Variants in TACR3 observed in about 807,000 individuals in gnomAD.
TACR3 encodes neuromedin-K receptor.
In TACR3, 34 loss-of-function variants were observed where a neutral mutation model predicts 35.0. That is an observed-to-expected ratio of 0.97 (90% CI 0.74 to 1.30). The LOEUF (loss-of-function observed/expected upper bound fraction) is 1.30. Among genes scored for constraint, TACR3 ranks in the 50% most tolerant of loss-of-function variants. The pLI is 0.00. For synonymous variants in TACR3, 233 were observed against 221.1 expected, an observed-to-expected ratio of 1.05 and a Z score of -0.48; for missense variants, 558 against 591.7, an observed-to-expected ratio of 0.94 and a Z score of 0.59.
At chr4:103,686,697 G>C (rs1250148260) in intron 1 of TACR3, among the ~76,000 whole-genome samples, 2 of 152,062 alleles carry the variant, frequency 1.3e-5, no homozygotes, top group Non-Finnish European at 2.9e-5. Context: ...ATTTTTGAGA[G>C]GTCCTAGAAG....
At chr4:103,706,098 A>C (rs1265777221) in intron 1 of TACR3, among the ~76,000 whole-genome samples, 2 of 152,138 alleles carry the variant, frequency 1.3e-5, no homozygotes, top group Non-Finnish European at 2.9e-5. Context: ...AAAGGCAGAA[A>C]AAATGTAATA....
At chr4:103,691,831 C>G (rs1159131714) in intron 1 of TACR3, among the ~76,000 whole-genome samples, 12 of 152,224 alleles carry the variant, frequency 7.9e-5, no homozygotes, top group Non-Finnish European at 4.4e-5. Context: ...CTAGCCCAAC[C>G]TATTCCTTTA....
chr4:103,678,793 C>CT lies in TACR3; in HGVS notation c.549-20391dup, dbSNP rs199845821. On this transcript the variant is annotated intron_variant, in intron 1 of 4. Coordinates refer to ENST00000304883, the MANE Select transcript of TACR3 (RefSeq NM_001059.3). ...ACACTTAGAAAATAAAAGGTAGTTG[C>CT]TTTTTTTTTTTTTAACAGCTGCTTC... 2.7e-3 allele frequency among the ~76,000 whole-genome samples: 386 copies of CT among 142,604 alleles called. 2 individuals carry two copies. The highest frequency in any genetic ancestry group is 0.024 in the South Asian group (108 of 4,562). 93.6% of individuals were successfully genotyped at this position (142,604 alleles called of 152,430 possible).
At chr4:103,711,110 G>C (rs1004095960) in intron 1 of TACR3, among the ~76,000 whole-genome samples, 2 of 152,138 alleles carry the variant, frequency 1.3e-5, no homozygotes, top group South Asian at 2.1e-4. Context: ...CCAACCAGTA[G>C]AAAAAGAGGG....
intron 3 of TACR3, among the ~76,000 whole-genome samples, chr4:103,608,670 C>G (rs1419036019): frequency 6.6e-6 from 1 of 152,098 alleles, no homozygotes; most frequent in Non-Finnish European, 1.5e-5. Flanking sequence ...TGTTTGAATG[C>G]TATTGGAATA....
intron 1 of TACR3, among the ~76,000 whole-genome samples, chr4:103,716,215 TTGTGTGTGTGTG>T (rs56790385): frequency 1.3e-3 from 181 of 143,322 alleles, no homozygotes; most frequent in Non-Finnish European, 1.7e-3. Flanking sequence ...TAATTTTATC[TTGTGTGTGTGTG>T]TGTGTGTGTG....
rs150458165 is a variant in TACR3, at chr4:103,704,353, G to A, written c.548+14775C>T. The stretch of plus-strand genomic sequence containing the variant: ...CAGTGAAATGGTCATACTCTTTATG[G>A]AAGTGTTGACATTGCTGTAGAAGTA... On this transcript the variant is annotated intron_variant, in intron 1 of 4. Coordinates refer to ENST00000304883, the MANE Select transcript of TACR3 (RefSeq NM_001059.3). 2.6e-3 allele frequency among the ~76,000 whole-genome samples: 397 copies of A among 152,212 alleles called. 4 individuals are homozygous for A. The highest frequency in any genetic ancestry group is 7.3e-3 in the South Asian group (35 of 4,824).
At chr4:103,669,167 G>T (rs972979024) in intron 1 of TACR3, among the ~76,000 whole-genome samples, 5 of 151,902 alleles carry the variant, frequency 3.3e-5, no homozygotes, top group Non-Finnish European at 1.5e-5. Context: ...TGGCTGAATA[G>T]TATTCTATTA....
At chr4:103,713,233 C>T (rs1380473044) in intron 1 of TACR3, among the ~76,000 whole-genome samples, 1 of 151,992 alleles carries the variant, frequency 6.6e-6, no homozygotes, top group Non-Finnish European at 1.5e-5. Flanking sequence ...CCCAAATGTC[C>T]ATCAATGATA....
intron 1 of TACR3, among the ~76,000 whole-genome samples, chr4:103,680,439 C>T (rs1370474401): frequency 6.7e-6 from 1 of 148,990 alleles, no homozygotes; most frequent in Non-Finnish European, 1.5e-5. Flanking sequence ...GCTCTGGTAA[C>T]AATCCATTAG....
intron 3 of TACR3, among the ~76,000 whole-genome samples, chr4:103,600,579 T>A (rs1724171220): frequency 6.6e-6 from 1 of 152,244 alleles, no homozygotes; most frequent in African/African-American, 2.4e-5. Context: ...TCTTTCTTGC[T>A]TTCTCTTGTG....
chr4:103,631,631 C>A (rs1023244011), intron 3 of TACR3, among the ~76,000 whole-genome samples: 3 of 152,132 alleles, frequency 2.0e-5, no homozygotes, highest in Non-Finnish European at 2.9e-5. Flanking sequence ...TGTGTTGGGA[C>A]TGAGCTGAGT....
In TACR3 at chr4:103,596,681, C is replaced by G. The variant is rs932676960; in HGVS notation, c.889-4998G>C. Among the ~76,000 whole-genome samples the G allele has an allele frequency of 1.8e-4, 27 of 151,758 alleles. No homozygotes were observed. In the East Asian group the frequency reaches 2.1e-3, roughly 12 times the overall value. On this transcript the variant is annotated intron_variant, in intron 3 of 4. Coordinates refer to ENST00000304883, the MANE Select transcript of TACR3 (RefSeq NM_001059.3). ...AGGTTTGTTACATATGGATACATGT[C>G]CCATGTTGGTCTGCTGCACCCATTA...
chr4:103,704,252 G>A (rs1722734565), intron 1 of TACR3, among the ~76,000 whole-genome samples: 1 of 151,744 alleles, frequency 6.6e-6, no homozygotes, highest in African/African-American at 2.4e-5. Flanking sequence ...GGCAAAGTTT[G>A]TAACTTGTGA....
chr4:103,687,846 C>T (rs1461546738), intron 1 of TACR3, among the ~76,000 whole-genome samples: 17 of 152,042 alleles, frequency 1.1e-4, no homozygotes, highest in Admixed American at 8.5e-4. Flanking sequence ...AGATTCAATG[C>T]CATCCCCATC....
intron 3 of TACR3, among the ~76,000 whole-genome samples, chr4:103,635,476 G>C (rs1048809232): frequency 6.6e-6 from 1 of 151,930 alleles, no homozygotes; most frequent in Non-Finnish European, 1.5e-5. Flanking sequence ...ACAACTCAGA[G>C]CCTAATCATG....
At chr4:103,691,128 T>C (rs1466687006) in intron 1 of TACR3, among the ~76,000 whole-genome samples, 1 of 152,134 alleles carries the variant, frequency 6.6e-6, no homozygotes, top group Non-Finnish European at 1.5e-5. Flanking sequence ...CCTAGAGAAA[T>C]GAAAACTTCT....
At chr4:103,674,355 G>A (rs1329962799) in intron 1 of TACR3, among the ~76,000 whole-genome samples, 1 of 151,678 alleles carries the variant, frequency 6.6e-6, no homozygotes, top group East Asian at 1.9e-4. Flanking sequence ...CTCAGGAAGA[G>A]TGAGTAACCA....
intron 1 of TACR3, among the ~76,000 whole-genome samples, chr4:103,702,636 G>T (rs1722681952): frequency 6.6e-6 from 1 of 151,974 alleles, no homozygotes; most frequent in Non-Finnish European, 1.5e-5. Flanking sequence ...CAATAGCAAA[G>T]ACTTGGAACC....
Sources: allele counts gnomAD v4.1 joint callset (sites outside exome capture counted in the v4.1 genomes callset), GRCh38; gene constraint gnomAD v4.1.1; transcripts MANE v1.5; gene names NCBI Gene and HGNC (gene_info 2026-07-23, HGNC 2026-07-21).